Variants in GSK3B observed in about 807,000 individuals in gnomAD.
GSK3B encodes the protein glycogen synthase kinase-3 beta.
Under a neutral mutation model 56.4 loss-of-function variants are expected in GSK3B, and 15 were observed. The ratio of observed to expected loss-of-function variants is 0.27; its 90% confidence interval spans 0.18 to 0.41. GSK3B has a LOEUF of 0.41. Among genes scored for constraint, GSK3B ranks in the 10% least tolerant of loss-of-function variants. GSK3B has a pLI of 1.00. For synonymous variants in GSK3B, 181 were observed against 188.9 expected (o/e 0.96, Z 0.34); for missense variants, 300 against 513.4 (o/e 0.58, Z 4.02).
chr3:120,000,923 T>C (rs2057670234), intron 2 of GSK3B, among the ~76,000 whole-genome samples: 1 of 124,914 alleles, frequency 8.0e-6, no homozygotes, highest in African/African-American at 3.7e-5. Flanking sequence ...ATCTCCTTTT[T>C]TTTTTTTTTT....
intron 9 of GSK3B, among the ~76,000 whole-genome samples, chr3:119,861,805 G>A (rs1032777749): frequency 6.6e-6 from 1 of 152,018 alleles, no homozygotes; most frequent in African/African-American, 2.4e-5. Context: ...ACTCTGTAAC[G>A]TCTGCACAAG....
chr3:120,025,356 G>C (rs1022381629), intron 1 of GSK3B, among the ~76,000 whole-genome samples: 1 of 151,970 alleles, frequency 6.6e-6, no homozygotes, highest in Non-Finnish European at 1.5e-5. Flanking sequence ...TTTGTTCTTA[G>C]CAGAACAAAA....
At chr3:120,066,760 A>C (rs2058283713) in intron 1 of GSK3B, among the ~76,000 whole-genome samples, 1 of 152,228 alleles carries the variant, frequency 6.6e-6, no homozygotes, top group Admixed American at 6.5e-5. Context: ...GTCTGTCTTA[A>C]CTACTTAACT....
chr3:119,840,502 G>A (rs2055756404), intron 10 of GSK3B, among the ~76,000 whole-genome samples: 2 of 152,150 alleles, frequency 1.3e-5, no homozygotes, highest in African/African-American at 4.8e-5. Flanking sequence ...GGGATTACAG[G>A]TGTGAGCCAC....
chr3:119,955,274 C>T (rs2057202277), intron 2 of GSK3B, among the ~76,000 whole-genome samples: 1 of 150,024 alleles, frequency 6.7e-6, no homozygotes, highest in Admixed American at 6.6e-5. Context: ...ACCCCATTTG[C>T]ACAAGTATAT....
At chr3:120,070,572 A>G (rs907048435) in intron 1 of GSK3B, among the ~76,000 whole-genome samples, 28 of 152,314 alleles carry the variant, frequency 1.8e-4, no homozygotes, top group African/African-American at 6.7e-4. Flanking sequence ...TGTATGGAAT[A>G]CCTAAAGATG....
chr3:119,844,195 G>C lies in GSK3B; in HGVS notation c.1097-842C>G, dbSNP rs536030336. On this transcript the variant is annotated intron_variant, in intron 9 of 10. Coordinates refer to ENST00000264235, the MANE Select transcript of GSK3B (RefSeq NM_001146156.2). ...AGCAGTGTTTAAAGGGAAATTTATA[G>C]CACTAAATAAATGCCCACAGGAGAA... Among the ~76,000 whole-genome samples, 10 of 152,210 alleles carry C rather than the reference G, an allele frequency of 6.6e-5. No homozygotes were observed. In the South Asian group the frequency reaches 1.9e-3, roughly 28 times the overall value.
chr3:119,966,787 CAG>C (rs1200725822), intron 2 of GSK3B, among the ~76,000 whole-genome samples: 2 of 151,904 alleles, frequency 1.3e-5, no homozygotes, highest in African/African-American at 4.8e-5. Context: ...AAACTCAGGA[CAG>C]AGTTTAACAT....
intron 1 of GSK3B, among the ~76,000 whole-genome samples, chr3:120,024,059 T>C (rs2057902735): frequency 1.3e-5 from 2 of 152,252 alleles, no homozygotes; most frequent in African/African-American, 4.8e-5. Context: ...TAGGTTTTAA[T>C]GGCTCACACC....
At chr3:119,995,062 AC>A (rs200067387) in intron 2 of GSK3B, among the ~76,000 whole-genome samples, 12,905 of 151,936 alleles carry the variant, frequency 0.085, 664 homozygotes, top group Non-Finnish European at 0.11. Context: ...CCTGGCACAC[AC>A]GTCTATAATC....
chr3:119,928,152 C>G (rs1047492803), intron 3 of GSK3B, among the ~76,000 whole-genome samples: 2 of 152,132 alleles, frequency 1.3e-5, no homozygotes, highest in African/African-American at 2.4e-5. Flanking sequence ...CTCACAAAGT[C>G]TCTGGTGATG....
chr3:120,090,664 C>T (rs934795411), intron 1 of GSK3B, among the ~76,000 whole-genome samples: 51 of 152,160 alleles, frequency 3.4e-4, no homozygotes, highest in Non-Finnish European at 3.5e-4. Context: ...TACTTTATTC[C>T]CTCATGATTC....
chr3:119,973,458 G>A (rs2057385238), intron 2 of GSK3B, among the ~76,000 whole-genome samples: 1 of 152,072 alleles, frequency 6.6e-6, no homozygotes, highest in South Asian at 2.1e-4. Flanking sequence ...ACATTATTAT[G>A]GCTCACTGAT....
At chr3:119,857,367 C>A (rs370985908) in intron 9 of GSK3B, among the ~76,000 whole-genome samples, 1 of 152,222 alleles carries the variant, frequency 6.6e-6, no homozygotes, top group Non-Finnish European at 1.5e-5. Context: ...CCTGTCACCG[C>A]TTTCAACTAA....
intron 1 of GSK3B, among the ~76,000 whole-genome samples, chr3:120,053,607 A>G (rs1323454648): frequency 1.3e-5 from 2 of 152,180 alleles, no homozygotes; most frequent in Non-Finnish European, 2.9e-5. Flanking sequence ...AAGCTACTAT[A>G]TAATTACATT....
intron 8 of GSK3B, among the ~76,000 whole-genome samples, chr3:119,868,866 A>T (rs1420569651): frequency 6.6e-6 from 1 of 152,200 alleles, no homozygotes; most frequent in Non-Finnish European, 1.5e-5. Flanking sequence ...TCTATTAATC[A>T]TCTGAAATTA....
chr3:119,976,465 C>A (rs1257382917), intron 2 of GSK3B, among the ~76,000 whole-genome samples: 1 of 152,018 alleles, frequency 6.6e-6, no homozygotes, highest in Non-Finnish European at 1.5e-5. Context: ...GTGAAAGAAG[C>A]CAGACACAAA....
chr3:120,030,999 T>C (rs920847192), intron 1 of GSK3B, among the ~76,000 whole-genome samples: 1 of 152,192 alleles, frequency 6.6e-6, no homozygotes, highest in Admixed American at 6.5e-5. Flanking sequence ...CAATACACTA[T>C]AACTGTTCCC....
At chr3:120,065,304 A>C (rs575589853) in intron 1 of GSK3B, among the ~76,000 whole-genome samples, 1 of 152,332 alleles carries the variant, frequency 6.6e-6, no homozygotes, top group Non-Finnish European at 1.5e-5. Context: ...CAAAGAACTT[A>C]CATAAACATT....
Sources: gnomAD v4.1 joint callset for allele counts (sites outside exome capture counted in the v4.1 genomes callset) on GRCh38, gnomAD v4.1.1 for gene constraint, MANE v1.5 for transcripts, NCBI Gene and HGNC (gene_info 2026-07-23, HGNC 2026-07-21) for gene names.